ATP6V0E1: variants seen among roughly 807,000 people sequenced by gnomAD.
The protein encoded by ATP6V0E1 is V-type proton ATPase subunit e 1.
In ATP6V0E1, 4 loss-of-function variants were observed where a neutral mutation model predicts 11.6. The observed-to-expected ratio is 0.35, with a 90% confidence interval of 0.17 to 0.79. ATP6V0E1 has a LOEUF of 0.79. Among genes scored for constraint, ATP6V0E1 ranks in the 30% least tolerant of loss-of-function variants. The pLI, the probability that ATP6V0E1 is intolerant of heterozygous loss-of-function variation, is 0.54. For missense variants in ATP6V0E1, 105 were observed against 100.0 expected (o/e 1.05, Z -0.21); for synonymous variants, 36 against 34.8 (o/e 1.04, Z -0.13).
chr5:172,993,404 G>T (rs1478531594), intron 1 of ATP6V0E1, among the ~76,000 whole-genome samples: 1 of 152,044 alleles, frequency 6.6e-6, no homozygotes, highest in East Asian at 1.9e-4. Flanking sequence ...AGCTACTTGG[G>T]CTGAGGCAGG....
chr5:172,991,633 T>G (rs1181127366), intron 1 of ATP6V0E1, among the ~76,000 whole-genome samples: 7 of 152,134 alleles, frequency 4.6e-5, no homozygotes, highest in African/African-American at 1.7e-4. Flanking sequence ...CAGTTACAAA[T>G]GAAGCGGGGG....
At chr5:173,026,421 T>C (rs1561777026) in intron 3 of ATP6V0E1, among the ~76,000 whole-genome samples, 1 of 152,226 alleles carries the variant, frequency 6.6e-6, no homozygotes, top group African/African-American at 2.4e-5. Context: ...TTTGAATATA[T>C]AAAACATCTC....
chr5:173,032,777 T>C (rs1756683387), intron 3 of ATP6V0E1, among the ~76,000 whole-genome samples: 1 of 152,208 alleles, frequency 6.6e-6, no homozygotes, highest in South Asian at 2.1e-4. Flanking sequence ...CCATATGTAT[T>C]CACTACTTCA....
At chr5:172,996,847 T>C (rs1279886519) in intron 2 of ATP6V0E1, among the ~76,000 whole-genome samples, 1 of 152,116 alleles carries the variant, frequency 6.6e-6, no homozygotes, top group African/African-American at 2.4e-5. Flanking sequence ...ATCCAGATTT[T>C]TAAAAAATTA....
intron 2 of ATP6V0E1, among the ~76,000 whole-genome samples, chr5:173,001,101 C>T (rs910921689): frequency 3.3e-5 from 5 of 152,120 alleles, no homozygotes; most frequent in African/African-American, 1.2e-4. Context: ...TTTACTTAGC[C>T]TTATTAGAAT....
At chr5:173,018,056 C>T (rs1185177764) in intron 2 of ATP6V0E1, among the ~76,000 whole-genome samples, 2 of 151,954 alleles carry the variant, frequency 1.3e-5, no homozygotes, top group East Asian at 1.9e-4. Flanking sequence ...CTTTGAATAA[C>T]GTGGAAGTTA....
intron 3 of ATP6V0E1, among the ~76,000 whole-genome samples, chr5:173,029,745 A>T (rs1328660924): frequency 6.6e-6 from 1 of 152,140 alleles, no homozygotes; most frequent in African/African-American, 2.4e-5. Context: ...TTGAAATGCG[A>T]TATAAAATGT....
At chr5:173,008,629 G>T (rs1756264595) in intron 2 of ATP6V0E1, among the ~76,000 whole-genome samples, 1 of 147,832 alleles carries the variant, frequency 6.8e-6, no homozygotes, top group Non-Finnish European at 1.5e-5. Context: ...ACTCAACTGG[G>T]CTGGGCGCGG....
chr5:173,015,233 ACT>A (rs1287042170), intron 2 of ATP6V0E1, among the ~76,000 whole-genome samples: 22 of 152,110 alleles, frequency 1.4e-4, no homozygotes, highest in African/African-American at 4.8e-4. Context: ...AATCACTTAG[ACT>A]CTCTCTGCCT....
At position 173,014,490 on chromosome 5, in the gene ATP6V0E1, C is replaced by T. The variant is rs113639857; in HGVS notation, c.153-5748C>T. ...ATCTAAGTGTCTGTCAACAGATGAA[C>T]GCATGCAGAAAATGTGTTATATGTA... On this transcript the variant is annotated intron_variant, in intron 2 of 3. Coordinates refer to ENST00000519374, the MANE Select transcript of ATP6V0E1 (RefSeq NM_003945.4). Among the ~76,000 whole-genome samples the T allele has an allele frequency of 8.7e-3, 1,318 of 152,094 alleles. 19 individuals carry two copies. The highest frequency in any genetic ancestry group is 0.03 in the African/African-American group (1,253 of 41,468).
At chr5:172,987,677 ACAAAT>A (rs1453609065) in intron 1 of ATP6V0E1, among the ~76,000 whole-genome samples, 6 of 151,902 alleles carry the variant, frequency 3.9e-5, no homozygotes, top group Non-Finnish European at 5.9e-5. Flanking sequence ...ACTTTTGAAA[ACAAAT>A]CAAAACACAC....
chr5:172,984,071 C>T (rs962618964), intron 1 of ATP6V0E1, 107 bp downstream of exon 1: 8 of 1,093,050 alleles, frequency 7.3e-6, no homozygotes, highest in African/African-American at 6.3e-5. Flanking sequence ...TGCATGGGCG[C>T]CCCCCGCGCT....
At chr5:172,999,835 G>A (rs1756124922) in intron 2 of ATP6V0E1, among the ~76,000 whole-genome samples, 1 of 152,162 alleles carries the variant, frequency 6.6e-6, no homozygotes. Flanking sequence ...GGGGAAATCA[G>A]CTGGATAGTA....
chr5:172,994,076 T>C (rs1178083457), intron 1 of ATP6V0E1, among the ~76,000 whole-genome samples: 1 of 152,156 alleles, frequency 6.6e-6, no homozygotes, highest in Non-Finnish European at 1.5e-5. Flanking sequence ...CCAGGAGAAC[T>C]GGGTGAATTT....
chr5:172,990,515 A>G (rs1354427228), intron 1 of ATP6V0E1, among the ~76,000 whole-genome samples: 2 of 151,636 alleles, frequency 1.3e-5, no homozygotes, highest in African/African-American at 4.8e-5. Context: ...TTATTTTTTG[A>G]TTATTTTATT....
chr5:173,008,302 CTTTTTTT>C (rs1219833765), intron 2 of ATP6V0E1, among the ~76,000 whole-genome samples: 1 of 132,518 alleles, frequency 7.5e-6, no homozygotes, highest in Non-Finnish European at 1.6e-5. Flanking sequence ...CTTTTCTTTT[CTTTTTTT>C]TTTTTTTTTG....
intron 2 of ATP6V0E1, among the ~76,000 whole-genome samples, chr5:173,010,123 A>G (rs1756296795): frequency 6.6e-6 from 1 of 152,158 alleles, no homozygotes; most frequent in Non-Finnish European, 1.5e-5. Flanking sequence ...TGGAGTGACT[A>G]TTCTGTCAGA....
chr5:173,028,613 G>A (rs189168491), intron 3 of ATP6V0E1, among the ~76,000 whole-genome samples: 2 of 152,306 alleles, frequency 1.3e-5, no homozygotes, highest in African/African-American at 4.8e-5. Context: ...ATACATAGCC[G>A]ATCTTTTGCT....
chr5:173,014,072 A>C (rs1756368303), intron 2 of ATP6V0E1, among the ~76,000 whole-genome samples: 1 of 151,710 alleles, frequency 6.6e-6, no homozygotes, highest in Non-Finnish European at 1.5e-5. Context: ...GAGGCAGGAG[A>C]ATCACTTCAA....
Sources: allele counts gnomAD v4.1 joint callset (sites outside exome capture counted in the v4.1 genomes callset), GRCh38; gene constraint gnomAD v4.1.1; transcripts MANE v1.5; gene names NCBI Gene and HGNC (gene_info 2026-07-23, HGNC 2026-07-21).